The following MRTFA variants were observed in gnomAD, a reference collection of about 807,000 sequenced individuals.
The protein encoded by MRTFA is myocardin-related transcription factor A.
Under a neutral mutation model 83.5 loss-of-function variants are expected in MRTFA, and 20 were observed. That is an observed-to-expected ratio of 0.24 (90% CI 0.17 to 0.35). The LOEUF is 0.35. Among genes scored for constraint, MRTFA ranks in the 10% least tolerant of loss-of-function variants. The pLI, the probability that MRTFA is intolerant of heterozygous loss-of-function variation, is 1.00. For missense variants in MRTFA, 1,200 were observed against 1,224.7 expected (o/e 0.98, Z 0.30); for synonymous variants, 659 against 541.2 (o/e 1.22, Z -3.02).
chr22:40,417,556 A>C, intron 12 of MRTFA, 63 bp from the exon 13 acceptor site: 6 of 41,062 alleles, frequency 1.5e-4, no homozygotes, highest in Non-Finnish European at 2.3e-4. Context: ...CCTGCCTTGT[A>C]GGGGGCGGGG....
At chr22:40,436,963 A>G (rs1318355299) in intron 4 of MRTFA, among the ~76,000 whole-genome samples, 1 of 152,192 alleles carries the variant, frequency 6.6e-6, no homozygotes, top group African/African-American at 2.4e-5. Flanking sequence ...GCTGGGCCTC[A>G]GCAACAGCAG....
intron 3 of MRTFA, among the ~76,000 whole-genome samples, chr22:40,479,395 A>G (rs2054051446): frequency 6.6e-6 from 1 of 152,042 alleles, no homozygotes; most frequent in African/African-American, 2.4e-5. Context: ...ACCCAACTAT[A>G]AAATCTGGGG....
At chr22:40,430,129 CCT>C (rs770727205) in intron 6 of MRTFA, among the ~76,000 whole-genome samples, 9 of 152,130 alleles carry the variant, frequency 5.9e-5, no homozygotes, top group Non-Finnish European at 1.2e-4. Flanking sequence ...GTTTTTAGTG[CCT>C]TTGTCTGCAA....
chr22:40,572,496 A>G (rs914207919), intron 2 of MRTFA, among the ~76,000 whole-genome samples: 6 of 152,154 alleles, frequency 3.9e-5, no homozygotes. Flanking sequence ...TTAAAAAAAA[A>G]AAAAATCCAT....
intron 14 of MRTFA, among the ~76,000 whole-genome samples, chr22:40,413,260 C>CAGCCTGG (rs1232808406): frequency 2.0e-5 from 3 of 151,310 alleles, no homozygotes; most frequent in Non-Finnish European, 2.9e-5. Context: ...AGTTTGAGAG[C>CAGCCTGG]AGCCTGGGCA....
chr22:40,419,811 C>A, intron 11 of MRTFA, among the ~76,000 whole-genome samples: 1 of 152,194 alleles, frequency 6.6e-6, no homozygotes, highest in Non-Finnish European at 1.5e-5. Flanking sequence ...TCTGATGGGG[C>A]AGAGAAAACA....
intron 4 of MRTFA, chr22:40,436,253 G>C (rs1254916756): frequency 6.5e-6 from 1 of 154,606 alleles, no homozygotes; most frequent in East Asian, 1.9e-4. Context: ...CTGCACACAG[G>C]AAGGGGCACA....
In MRTFA at chr22:40,623,447, A is replaced by G. The variant is rs1447892911; in HGVS notation, c.-84+13031T>C. ...TAACTCGTCATCTAGCATTAGGTATATCTCCCAATGCTATCCCTCCCCCCT... is the reference window on the plus strand; with the variant it reads ...TAACTCGTCATCTAGCATTAGGTATGTCTCCCAATGCTATCCCTCCCCCCT... On this transcript the variant is annotated intron_variant, in intron 1 of 14. Coordinates refer to ENST00000355630, the MANE Select transcript of MRTFA (RefSeq NM_020831.6). Among the ~76,000 whole-genome samples, 3 of 151,780 alleles carry G rather than the reference A, an allele frequency of 2.0e-5. No homozygotes were observed. In the East Asian group the frequency reaches 5.8e-4, roughly 29 times the overall value.
intron 3 of MRTFA, among the ~76,000 whole-genome samples, chr22:40,534,611 CG>C (rs1828228837): frequency 6.6e-6 from 1 of 152,190 alleles, no homozygotes. Flanking sequence ...TAGGCTCAAG[CG>C]ATCTGCCCAC....
intron 2 of MRTFA, among the ~76,000 whole-genome samples, chr22:40,562,982 C>T (rs1157367301): frequency 2.6e-5 from 4 of 152,088 alleles, no homozygotes; most frequent in Admixed American, 2.6e-4. Flanking sequence ...ATTACTTGGC[C>T]TTTGCTCACT....
Position 40,463,254 on chromosome 22 carries a change from G to T in MRTFA, c.274C>A (p.Arg92=). 5 of 1,614,096 alleles carry T rather than the reference G, an allele frequency of 3.1e-6. No individual in the cohort carries two copies. The highest frequency in any genetic ancestry group is 4.2e-6 in the Non-Finnish European group (5 of 1,179,986). ...ATCCCTTGGCTCACCAGTTCTTCCC[G>T]GGTCCGGCGCTGCTGGAGTTTCAAC... The change falls in exon 4 of 15, where the codon CGG becomes AGG. Residue 92 remains arginine, a synonymous_variant. Coordinates refer to ENST00000355630, the MANE Select transcript of MRTFA (RefSeq NM_020831.6).
intron 1 of MRTFA, among the ~76,000 whole-genome samples, chr22:40,626,434 C>T (rs908538938): frequency 6.6e-6 from 1 of 152,096 alleles, no homozygotes; most frequent in African/African-American, 2.4e-5. Context: ...CTGGGATTAT[C>T]GGTGCACAGC....
rs200748590 is a variant in MRTFA at position 40,418,927 on chromosome 22, C to T, written c.1811G>A (p.Arg604Gln). 3.6e-5 allele frequency: 58 copies of T among 1,612,770 alleles called. No homozygotes were observed. The highest frequency in any genetic ancestry group is 2.3e-4 in the Admixed American group (14 of 60,004). Residue 604 changes from arginine (R) to glutamine (Q), a missense_variant, in exon 12 of 15, where the codon CGG becomes CAG. Physicochemically the swap from Arg to Gln is conservative, Grantham distance 43. Transcript: ENST00000355630. ...AGGGCTCAGGCAACAGGACCCGGCC[C>T]GGGGGCCCTCCTCCTTCACGAGGAT...
intron 1 of MRTFA, among the ~76,000 whole-genome samples, chr22:40,604,389 C>T (rs1160736915): frequency 6.6e-6 from 1 of 151,804 alleles, no homozygotes; most frequent in African/African-American, 2.4e-5. Flanking sequence ...CTCGGCCTCC[C>T]AAAGTGCTGA....
At chr22:40,510,027 G>A (rs972345923) in intron 3 of MRTFA, among the ~76,000 whole-genome samples, 1 of 145,282 alleles carries the variant, frequency 6.9e-6, no homozygotes, top group Non-Finnish European at 1.5e-5. Flanking sequence ...CTCTGCCAAG[G>A]CCCCCAGTGG....
chr22:40,604,196 T>A (rs1254453254), intron 1 of MRTFA, among the ~76,000 whole-genome samples: 3 of 150,910 alleles, frequency 2.0e-5, no homozygotes, highest in African/African-American at 4.9e-5. Flanking sequence ...AGTGGCACCA[T>A]CTCGGCTCAC....
chr22:40,585,012 T>A (rs2056007598), intron 2 of MRTFA, among the ~76,000 whole-genome samples: 1 of 152,076 alleles, frequency 6.6e-6, no homozygotes, highest in South Asian at 2.1e-4. Flanking sequence ...ACCACTGCAC[T>A]TCCAGCCTAG....
chr22:40,584,116 T>A (rs1473728173), intron 2 of MRTFA, among the ~76,000 whole-genome samples: 1 of 152,090 alleles, frequency 6.6e-6, no homozygotes, highest in African/African-American at 2.4e-5. Flanking sequence ...GGGAAAAAAA[T>A]CAGGATGGCA....
intron 1 of MRTFA, among the ~76,000 whole-genome samples, chr22:40,607,125 CTG>C (rs2056327011): frequency 6.6e-6 from 1 of 152,078 alleles, no homozygotes; most frequent in Non-Finnish European, 1.5e-5. Context: ...AAACAAGTAA[CTG>C]TGCTGGGTGA....
Sources: gnomAD v4.1 joint callset for allele counts (sites outside exome capture counted in the v4.1 genomes callset) on GRCh38, gnomAD v4.1.1 for gene constraint, MANE v1.5 for transcripts, NCBI Gene and HGNC (gene_info 2026-07-23, HGNC 2026-07-21) for gene names.